The following FRS2 variants were observed in gnomAD, a reference collection of about 807,000 sequenced individuals.
The protein encoded by FRS2 is FGFR signalling adaptor.
In FRS2, 8 loss-of-function variants were observed where a neutral mutation model predicts 43.9. The ratio of observed to expected loss-of-function variants is 0.18; its 90% CI spans 0.11 to 0.33. The LOEUF is 0.33. FRS2 is among the 10% of genes least tolerant of loss of function. The pLI is 1.00. For missense variants in FRS2, 534 were observed against 627.6 expected (o/e 0.85, Z 1.59); for synonymous variants, 219 against 220.3 (o/e 0.99, Z 0.05).
At chr12:69,479,012 AT>A (rs2120698183) in intron 1 of FRS2, among the ~76,000 whole-genome samples, 1 of 146,448 alleles carries the variant, frequency 6.8e-6, no homozygotes, top group Non-Finnish European at 1.5e-5. Context: ...GTGTAGCTTT[AT>A]TTTAGTTCTC....
At chr12:69,496,729 T>G (rs2121023759) in intron 1 of FRS2, among the ~76,000 whole-genome samples, 1 of 152,336 alleles carries the variant, frequency 6.6e-6, no homozygotes, top group South Asian at 2.1e-4. Context: ...AAGGTAACTT[T>G]TGGTTAGAGA....
intron 1 of FRS2, among the ~76,000 whole-genome samples, chr12:69,505,272 T>G (rs1873822167): frequency 6.6e-6 from 1 of 152,226 alleles, no homozygotes; most frequent in African/African-American, 2.4e-5. Flanking sequence ...AGTAGTCAAC[T>G]TTTGGCTTAA....
chr12:69,560,017 A>G (rs1403671414), intron 3 of FRS2, among the ~76,000 whole-genome samples: 2 of 152,094 alleles, frequency 1.3e-5, no homozygotes, highest in African/African-American at 4.8e-5. Context: ...ATACCTTCCT[A>G]AGCACCAAAT....
intron 1 of FRS2, among the ~76,000 whole-genome samples, chr12:69,521,729 C>G (rs1254526718): frequency 1.3e-5 from 2 of 152,164 alleles, no homozygotes; most frequent in African/African-American, 4.8e-5. Context: ...ATTCTCCTGC[C>G]TCAGCCTCCC....
chr12:69,499,007 T>G (rs180865765), intron 1 of FRS2, among the ~76,000 whole-genome samples: 378 of 152,286 alleles, frequency 2.5e-3, no homozygotes, highest in Non-Finnish European at 4.3e-3. Context: ...TAAATTACTT[T>G]TGTAGGATGA....
At chr12:69,556,084 A>G (rs1593047587) in intron 3 of FRS2, among the ~76,000 whole-genome samples, 1 of 151,846 alleles carries the variant, frequency 6.6e-6, no homozygotes. Flanking sequence ...AAAAAAAATT[A>G]GAGATGATGT....
chr12:69,536,553 C>T (rs1555189372), intron 3 of FRS2, among the ~76,000 whole-genome samples: 7 of 148,848 alleles, frequency 4.7e-5, no homozygotes, highest in Non-Finnish European at 1.5e-5. Flanking sequence ...ATTGTGTTAC[C>T]GATAGATTTA....
In FRS2 at chr12:69,572,284, A is replaced by G; in HGVS notation, c.576+3A>G. 6.2e-7 allele frequency: 1 copy of G among 1,610,842 alleles called. No homozygotes were observed. The highest frequency in any genetic ancestry group is 8.5e-7 in the Non-Finnish European group (1 of 1,177,226). Reference sequence around the variant, plus strand: ...CTTTGCTTGTGGCTGAGGAACAAGTAAGCATGTGCTACTGTGTAACAGCAA... The same window carrying G: ...CTTTGCTTGTGGCTGAGGAACAAGTGAGCATGTGCTACTGTGTAACAGCAA... On this transcript the variant is annotated splice_donor_region_variant and intron_variant, in intron 8 of 8. Transcript: ENST00000549921.
chr12:69,542,805 A>T (rs905747580), intron 3 of FRS2, among the ~76,000 whole-genome samples: 1 of 152,230 alleles, frequency 6.6e-6, no homozygotes, highest in Admixed American at 6.5e-5. Context: ...AAGCTGTAGG[A>T]TGAGAAATCC....
At chr12:69,532,994 T>C (rs552380551) in intron 3 of FRS2, among the ~76,000 whole-genome samples, 24 of 152,364 alleles carry the variant, frequency 1.6e-4, no homozygotes, top group Non-Finnish European at 2.6e-4. Flanking sequence ...GTTACCACAC[T>C]GCATAAATAG....
chr12:69,495,737 A>AAG (rs975185859), intron 1 of FRS2, among the ~76,000 whole-genome samples: 2 of 152,200 alleles, frequency 1.3e-5, no homozygotes, highest in African/African-American at 4.8e-5. Context: ...AATAGCAACA[A>AAG]CAACCAAAAC....
intron 1 of FRS2, among the ~76,000 whole-genome samples, chr12:69,511,920 T>C (rs1213478905): frequency 6.6e-6 from 1 of 152,246 alleles, no homozygotes; most frequent in African/African-American, 2.4e-5. Flanking sequence ...ATCTGTTTAA[T>C]GAGTTTTCTC....
At chr12:69,536,118 T>C in intron 3 of FRS2, among the ~76,000 whole-genome samples, 4 of 55,174 alleles carry the variant, frequency 7.2e-5, no homozygotes, top group African/African-American at 1.5e-4. Flanking sequence ...TTTTTTTTTT[T>C]TTTTTTTTTT....
In FRS2 at chr12:69,478,724, A is replaced by ATGTGTGTGTGTG. The variant is rs59945124; in HGVS notation, c.-261+8222_-261+8233dup. 2.3e-3 allele frequency among the ~76,000 whole-genome samples: 339 copies of ATGTGTGTGTGTG among 146,306 alleles called. 3 individuals carry two copies. The highest frequency in any genetic ancestry group is 8.1e-3 in the African/African-American group (320 of 39,382). On this transcript the variant is annotated intron_variant, in intron 1 of 8. Transcript: ENST00000549921. ...TATTCTTACAAAGACATACATCATT[A>ATGTGTGTGTGTG]TGTGTGTGTGTGTGTGTGTGTGTGT...
At chr12:69,472,686 A>G (rs1227705890) in intron 1 of FRS2, among the ~76,000 whole-genome samples, 1 of 152,238 alleles carries the variant, frequency 6.6e-6, no homozygotes, top group African/African-American at 2.4e-5. Context: ...ATGCTATGTT[A>G]TGCATAGCAT....
chr12:69,490,954 T>C (rs1309003725), intron 1 of FRS2, among the ~76,000 whole-genome samples: 1 of 152,344 alleles, frequency 6.6e-6, no homozygotes, highest in African/African-American at 2.4e-5. Flanking sequence ...AAAAGTTTAG[T>C]AAGTGTACAT....
chr12:69,508,062 C>T lies in FRS2; in HGVS notation c.-260-22803C>T, dbSNP rs187402623. ...AAAAAAAAAAAAAAAAAAGTTGCTG[C>T]AGTGCTGCAGTTCTTGCAGATAAGA... On this transcript the variant is annotated intron_variant, in intron 1 of 8. Transcript: ENST00000549921. 4.6e-3 allele frequency among the ~76,000 whole-genome samples: 663 copies of T among 143,750 alleles called. 4 individuals carry two copies. The highest frequency in any genetic ancestry group is 0.016 in the African/African-American group (626 of 38,300). The allele number at this position is 143,750 out of a possible 152,430, so 94.3% of individuals were successfully genotyped here.
rs926581130 is a variant in FRS2, at chr12:69,578,832, T to C, written c.*3877T>C. The C allele has an allele frequency of 2.0e-5, 3 of 152,608 alleles. No homozygotes were observed. Among genetic ancestry groups the C allele is most frequent in the Admixed American group, 6.5e-5 (1 of 15,274 alleles). 9.5% of individuals were successfully genotyped at this position (152,608 alleles called of 1,614,324 possible). ...TTTTAATTTTTTCTTTTATAAAAAATTGTCCAACAGTGGGACTACCATTGC... is the reference window on the plus strand; with the variant it reads ...TTTTAATTTTTTCTTTTATAAAAAACTGTCCAACAGTGGGACTACCATTGC... On this transcript the variant is annotated 3_prime_UTR_variant, in exon 9 of 9. Transcript: ENST00000549921.
chr12:69,493,245 G>T (rs1315261280), intron 1 of FRS2, among the ~76,000 whole-genome samples: 1 of 152,172 alleles, frequency 6.6e-6, no homozygotes, highest in African/African-American at 2.4e-5. Context: ...CTTGAGCTCA[G>T]CCTTTTCAGC....
Sources: gnomAD v4.1 joint callset for allele counts (sites outside exome capture counted in the v4.1 genomes callset) on GRCh38, gnomAD v4.1.1 for gene constraint, MANE v1.5 for transcripts, NCBI Gene and HGNC (gene_info 2026-07-23, HGNC 2026-07-21) for gene names.